The following PCSK5 variants were observed in gnomAD, a reference collection of about 807,000 sequenced individuals.
PCSK5 encodes the protein prohormone convertase 5.
In PCSK5, 129 loss-of-function variants were observed where a neutral mutation model predicts 233.2. The ratio of observed to expected loss-of-function variants is 0.55; its 90% CI spans 0.48 to 0.64. The LOEUF (loss-of-function observed/expected upper bound fraction) is 0.64. Among genes scored for constraint, PCSK5 ranks in the 30% least tolerant of loss-of-function variants. The pLI is 0.00. For synonymous variants in PCSK5, 825 were observed against 879.2 expected (o/e 0.94, Z 1.09); for missense variants, 2,076 against 2,430.1 (o/e 0.85, Z 3.06).
chr9:75,960,414 C>T (rs1454418454), intron 2 of PCSK5, among the ~76,000 whole-genome samples: 1 of 151,982 alleles, frequency 6.6e-6, no homozygotes, highest in African/African-American at 2.4e-5. Flanking sequence ...GGCAGTTAAT[C>T]CCTGAAAGGA....
intron 9 of PCSK5, among the ~76,000 whole-genome samples, chr9:76,128,078 C>T (rs10869703): frequency 6.6e-6 from 1 of 152,052 alleles, no homozygotes; most frequent in African/African-American, 2.4e-5. Flanking sequence ...TCCTGCAGGA[C>T]TTAGTCTGTG....
intron 2 of PCSK5, among the ~76,000 whole-genome samples, chr9:75,967,166 A>ATGGG (rs927928764): frequency 3.9e-5 from 6 of 152,176 alleles, no homozygotes; most frequent in African/African-American, 1.4e-4. Flanking sequence ...GTTTTGTTAC[A>ATGGG]TGGGTATATT....
chr9:76,014,173 C>CA (rs1400320927), intron 3 of PCSK5, among the ~76,000 whole-genome samples: 2 of 151,844 alleles, frequency 1.3e-5, no homozygotes, highest in African/African-American at 4.8e-5. Context: ...ATAATAGAAA[C>CA]AAAAAAATTA....
intron 35 of PCSK5, among the ~76,000 whole-genome samples, chr9:76,344,717 C>G (rs142420373): frequency 6.6e-6 from 1 of 152,294 alleles, no homozygotes; most frequent in African/African-American, 2.4e-5. Context: ...TTTATTCCAA[C>G]TAGGGTTGTC....
chr9:76,016,832 T>C (rs1261843704), intron 3 of PCSK5, among the ~76,000 whole-genome samples: 3 of 152,236 alleles, frequency 2.0e-5, no homozygotes, highest in Non-Finnish European at 2.9e-5. Context: ...CCAGTTATAC[T>C]TTGACTTCTA....
intron 30 of PCSK5, among the ~76,000 whole-genome samples, chr9:76,319,700 T>C (rs2131455832): frequency 6.6e-6 from 1 of 152,278 alleles, no homozygotes; most frequent in East Asian, 1.9e-4. Context: ...GGAAGCTGGA[T>C]ACTATCCAGA....
At chr9:76,323,948 T>C (rs548966898) in intron 32 of PCSK5, among the ~76,000 whole-genome samples, 1 of 151,272 alleles carries the variant, frequency 6.6e-6, no homozygotes, top group Admixed American at 6.6e-5. Context: ...TTTTTTTTTT[T>C]GAGACAGAGT....
rs12236074 is a variant in PCSK5, at chr9:76,203,703, G to A, written c.2626+13957G>A. On this transcript the variant is annotated intron_variant, in intron 20 of 37. Transcript: ENST00000674117. The stretch of plus-strand genomic sequence containing the variant: ...CTACAGAACTGTGAGTTAGTGAAGG[G>A]GTGCTTTTTTAAGCTACAAAGTTTA... Among the ~76,000 whole-genome samples the A allele has an allele frequency of 3.0e-4, 45 of 152,200 alleles. No individual in the cohort carries two copies. In the East Asian group the frequency reaches 8.5e-3, roughly 29 times the overall value.
chr9:75,915,905 G>A (rs1159205633), intron 1 of PCSK5, among the ~76,000 whole-genome samples: 1 of 152,092 alleles, frequency 6.6e-6, no homozygotes, highest in Admixed American at 6.6e-5. Flanking sequence ...ATCTAGTGCG[G>A]GAAGTTACAT....
chr9:76,021,724 T>C (rs1349565663), intron 3 of PCSK5, among the ~76,000 whole-genome samples: 1 of 152,190 alleles, frequency 6.6e-6, no homozygotes, highest in Non-Finnish European at 1.5e-5. Context: ...ATTTGGGGAA[T>C]AAATTAATTA....
At chr9:76,123,719 A>T (rs1481151257) in intron 9 of PCSK5, among the ~76,000 whole-genome samples, 1 of 152,188 alleles carries the variant, frequency 6.6e-6, no homozygotes, top group African/African-American at 2.4e-5. Context: ...TCAAAATAAA[A>T]CTTTAAATTG....
intron 20 of PCSK5, among the ~76,000 whole-genome samples, chr9:76,216,277 G>C (rs1825529041): frequency 6.6e-6 from 1 of 152,126 alleles, no homozygotes. Context: ...GTAGAGCCTT[G>C]AAAGGAGATA....
chr9:76,241,294 T>C (rs1462990454), intron 24 of PCSK5, among the ~76,000 whole-genome samples: 1 of 152,074 alleles, frequency 6.6e-6, no homozygotes, highest in Non-Finnish European at 1.5e-5. Context: ...ATACAAAAAT[T>C]AGCTGGATGT....
chr9:76,073,720 C>CAT (rs5898448), intron 7 of PCSK5, among the ~76,000 whole-genome samples: 23 of 151,404 alleles, frequency 1.5e-4, no homozygotes, highest in Non-Finnish European at 2.8e-4. Flanking sequence ...CATGAATGCG[C>CAT]ATATATATAT....
chr9:76,134,262 C>T, intron 10 of PCSK5, 50 bp downstream of exon 10: 1 of 1,206,546 alleles, frequency 8.3e-7, no homozygotes, highest in Admixed American at 2.1e-5. Flanking sequence ...TTTATTTTTC[C>T]CCCATTTTAA....
chr9:76,358,118 T>C (rs1312799187), intron 37 of PCSK5, among the ~76,000 whole-genome samples: 3 of 152,200 alleles, frequency 2.0e-5, no homozygotes, highest in Non-Finnish European at 4.4e-5. Flanking sequence ...AAACTGACCT[T>C]CTTTCTAGAA....
intron 1 of PCSK5, among the ~76,000 whole-genome samples, chr9:75,902,874 A>T (rs1826101399): frequency 6.6e-6 from 1 of 152,206 alleles, no homozygotes; most frequent in South Asian, 2.1e-4. Flanking sequence ...GATTGCTTTC[A>T]ACTCCCATAT....
At position 76,022,079 on chromosome 9, in the gene PCSK5, G is replaced by A. The variant is rs555721623; in HGVS notation, c.412-1659G>A. On this transcript the variant is annotated intron_variant, in intron 3 of 37. Coordinates refer to ENST00000674117, the MANE Select transcript of PCSK5 (RefSeq NM_001372043.1). ...ACATTTCACGTTTGCAGAGACTGGA[G>A]TCTTTTTTCTGACCATCTCATCTAA... is the stretch of plus-strand genomic sequence containing the variant. Among the ~76,000 whole-genome samples, 14 of 152,296 alleles carry A rather than the reference G, an allele frequency of 9.2e-5. No individual in the cohort carries two copies. The South Asian group carries it at 2.3e-3, about 25-fold the overall frequency.
intron 12 of PCSK5, 28 bp from the exon 13 acceptor site, chr9:76,169,676 C>A: frequency 6.2e-7 from 1 of 1,609,138 alleles, no homozygotes; most frequent in Non-Finnish European, 8.5e-7. Flanking sequence ...TGAAATATCG[C>A]ACATAACAAT....
Sources: allele counts gnomAD v4.1 joint callset (sites outside exome capture counted in the v4.1 genomes callset), GRCh38; gene constraint gnomAD v4.1.1; transcripts MANE v1.5; gene names NCBI Gene and HGNC (gene_info 2026-07-23, HGNC 2026-07-21).